The following FSD1L variants were observed in gnomAD, a reference collection of about 807,000 sequenced individuals.
FSD1L encodes the protein fibronectin type III and SPRY domain containing 1 like, also known as FSD1-like protein.
FSD1L carries 45 observed loss-of-function variants against 71.6 expected under a neutral mutation model. The ratio of observed to expected loss-of-function variants is 0.63; its 90% CI spans 0.49 to 0.81. The LOEUF is 0.81. Among genes scored for constraint, FSD1L ranks in the 30% least tolerant of loss-of-function variants. FSD1L has a pLI of 0.00. For synonymous variants in FSD1L, 197 were observed against 207.2 expected (o/e 0.95, Z 0.42); for missense variants, 561 against 618.1 (o/e 0.91, Z 0.98).
rs1164764334 is a variant in FSD1L, at chr9:105,524,594, G to A, written c.1026-9899G>A. On this transcript the variant is annotated intron_variant, in intron 10 of 13. Coordinates refer to ENST00000481272, the MANE Select transcript of FSD1L (RefSeq NM_001145313.3). ...GAGCTCAGTGTTTTAGCAATCCAAG[G>A]TATTTTCCCATGAGCCTCTCTGATT... 4.3e-6 allele frequency: 7 copies of A among 1,613,732 alleles called. No homozygotes were observed. The East Asian group carries it at 6.7e-5, about 15-fold the overall frequency.
chr9:105,445,451 C>A (rs77622605), upstream of FSD1L, among the ~76,000 whole-genome samples: 1,927 of 152,138 alleles, frequency 0.013, 42 homozygotes, highest in African/African-American at 0.044. Context: ...GATCACATTT[C>A]AGCTGCAACT....
chr9:105,495,169 G>A (rs895901180), intron 7 of FSD1L, among the ~76,000 whole-genome samples: 8 of 152,208 alleles, frequency 5.3e-5, no homozygotes, highest in African/African-American at 7.2e-5. Flanking sequence ...TGAGCTTCCC[G>A]GCTGCTTTGT....
At chr9:105,531,328 C>T (rs1476657006) in intron 10 of FSD1L, among the ~76,000 whole-genome samples, 1 of 152,190 alleles carries the variant, frequency 6.6e-6, no homozygotes, top group Non-Finnish European at 1.5e-5. Context: ...CCTGATTACA[C>T]ATTTACTTTA....
chr9:105,494,694 TCTG>T (rs1264142058), intron 7 of FSD1L, among the ~76,000 whole-genome samples: 2 of 152,224 alleles, frequency 1.3e-5, no homozygotes, highest in African/African-American at 4.8e-5. Flanking sequence ...GGATGTCCTT[TCTG>T]CTTGTTAGTT....
intron 12 of FSD1L, among the ~76,000 whole-genome samples, chr9:105,535,637 G>A (rs540502251): frequency 6.6e-6 from 1 of 152,026 alleles, no homozygotes; most frequent in East Asian, 1.9e-4. Flanking sequence ...CCTCTAAAGA[G>A]TGATAGTCAA....
At chr9:105,537,749 C>G (rs931915196) in intron 12 of FSD1L, among the ~76,000 whole-genome samples, 1 of 152,060 alleles carries the variant, frequency 6.6e-6, no homozygotes, top group African/African-American at 2.4e-5. Context: ...AAGCATAAGA[C>G]TTTTCGGGAA....
chr9:105,539,142 C>A, intron 12 of FSD1L, 121 bp from the exon 13 acceptor site: 1 of 581,964 alleles, frequency 1.7e-6, no homozygotes, highest in Admixed American at 3.4e-5. Context: ...TTAATCCAGT[C>A]CTCATACAAA....
intron 7 of FSD1L, among the ~76,000 whole-genome samples, chr9:105,505,339 C>A (rs549961526): frequency 6.6e-6 from 1 of 152,344 alleles, no homozygotes; most frequent in Non-Finnish European, 1.5e-5. Context: ...CGGCTCACTG[C>A]AATCTCTGCC....
At chr9:105,487,239 C>G (rs1427485293) in intron 7 of FSD1L, among the ~76,000 whole-genome samples, 1 of 151,916 alleles carries the variant, frequency 6.6e-6, no homozygotes, top group African/African-American at 2.4e-5. Flanking sequence ...CTGAAATGAT[C>G]AAATACTTGT....
In FSD1L at chr9:105,524,410, G is replaced by A. The variant is rs150130942; in HGVS notation, c.1026-10083G>A. 1.8e-4 allele frequency: 293 copies of A among 1,613,714 alleles called. 1 individual carries two copies. In the African/African-American group the frequency reaches 3.6e-3, roughly 20 times the overall value. On this transcript the variant is annotated intron_variant, in intron 10 of 13. Transcript: ENST00000481272. ...GCTTCATCTTATGAAATGGACAAGA[G>A]GTTGGTAGTATCTTTACTTCTCTGC...
intron 7 of FSD1L, among the ~76,000 whole-genome samples, chr9:105,495,081 C>G (rs967280841): frequency 5.3e-5 from 8 of 152,174 alleles, no homozygotes; most frequent in Non-Finnish European, 8.8e-5. Flanking sequence ...TCTTTTTGTT[C>G]GTCTGTGCCC....
In FSD1L at chr9:105,547,367, C is replaced by G. The variant is rs972071496; in HGVS notation, c.*884C>G. The G allele has an allele frequency of 1.3e-5, 2 of 152,368 alleles. No individual in the cohort carries two copies. The highest frequency in any genetic ancestry group is 4.8e-5 in the African/African-American group (2 of 41,394). The allele number at this position is 152,368 out of a possible 1,614,324, so 9.4% of individuals were successfully genotyped here. The stretch of plus-strand genomic sequence containing the variant: ...GATTTTTAGCATCTCTTATAGGAAT[C>G]AAAGTTTATTAAAGTTACATAGAGG... On this transcript the variant is annotated 3_prime_UTR_variant, in exon 14 of 14. Transcript: ENST00000481272.
rs1001276035 is a variant in FSD1L, at chr9:105,550,235, T to C, written c.*3752T>C. 10 of 151,988 alleles carry C rather than the reference T, an allele frequency of 6.6e-5. No individual in the cohort carries two copies. The highest frequency in any genetic ancestry group is 1.9e-4 in the African/African-American group (8 of 41,446). The allele number at this position is 151,988 out of a possible 1,614,324, so 9.4% of individuals were successfully genotyped here. A position where few individuals can be genotyped will look rare whatever the true frequency, so the allele number is the denominator to read the frequency against. On this transcript the variant is annotated 3_prime_UTR_variant, in exon 14 of 14. Transcript: ENST00000481272. ...TAAGTCAGAAGTTTAAAATGTGTTA[T>C]AGTTTGCTAAAAAAAAATCAAATTA... is the stretch of plus-strand genomic sequence containing the variant.
intron 10 of FSD1L, chr9:105,521,219 T>G: frequency 6.2e-7 from 1 of 1,614,210 alleles, no homozygotes; most frequent in Non-Finnish European, 8.5e-7. Flanking sequence ...ATACAGGACC[T>G]CATATTCCTG....
At chr9:105,524,482 C>G (rs1452673716) in intron 10 of FSD1L, 1 of 1,613,464 alleles carries the variant, frequency 6.2e-7, no homozygotes, top group Non-Finnish European at 8.5e-7. Flanking sequence ...CTGCTCCAAC[C>G]ATTTCATGCT....
chr9:105,519,797 G>A (rs1345589127), intron 10 of FSD1L, among the ~76,000 whole-genome samples: 1 of 152,144 alleles, frequency 6.6e-6, no homozygotes, highest in African/African-American at 2.4e-5. Flanking sequence ...CTCTGGATCC[G>A]GGGCCCCGGC....
At chr9:105,524,323 C>T in intron 10 of FSD1L, 1 of 1,613,638 alleles carries the variant, frequency 6.2e-7, no homozygotes, top group Non-Finnish European at 8.5e-7. Context: ...CAGCCTGATT[C>T]TCCCTTGAAA....
chr9:105,534,599 A>G lies in FSD1L; in HGVS notation c.1126+6A>G. ...AGAATCATACACAGTGCTGGGTAGG[A>G]CAAAACATAATTGTTTTTCATTATC... is the stretch of plus-strand genomic sequence containing the variant. On this transcript the variant is annotated splice_donor_region_variant and intron_variant, in intron 11 of 13. Coordinates refer to ENST00000481272, the MANE Select transcript of FSD1L (RefSeq NM_001145313.3). 2 of 1,462,822 alleles carry G rather than the reference A, an allele frequency of 1.4e-6. No individual in the cohort carries two copies. Among genetic ancestry groups the G allele is most frequent in the African/African-American group, 1.4e-5 (1 of 71,032 alleles). 90.6% of individuals were successfully genotyped at this position (1,462,822 alleles called of 1,614,324 possible).
chr9:105,507,075 TAGTATTTCAGAATAAC>T (rs1473604327), intron 8 of FSD1L, among the ~76,000 whole-genome samples: 1 of 152,174 alleles, frequency 6.6e-6, no homozygotes, highest in Non-Finnish European at 1.5e-5. Flanking sequence ...ATTCTGAAAA[TAGTATTTCAGAATAAC>T]ATTTAATTTT....
Sources: gnomAD v4.1 joint callset for allele counts (sites outside exome capture counted in the v4.1 genomes callset) on GRCh38, gnomAD v4.1.1 for gene constraint, MANE v1.5 for transcripts, NCBI Gene and HGNC (gene_info 2026-07-23, HGNC 2026-07-21) for gene names.